Variants in CLNK observed in about 807,000 individuals in gnomAD.
CLNK encodes cytokine dependent hematopoietic cell linker.
A neutral mutation model predicts 68.6 loss-of-function variants in CLNK; 74 were observed. That is an observed-to-expected ratio of 1.08 (90% CI 0.89 to 1.31). CLNK has a LOEUF of 1.31. Ranked by LOEUF, CLNK falls within the 50% of genes most tolerant of loss-of-function variation. The pLI, the probability that CLNK is intolerant of heterozygous loss-of-function variation, is 0.00. For missense variants in CLNK, 553 were observed against 515.3 expected, an observed-to-expected ratio of 1.07 and a Z score of -0.71; for synonymous variants, 198 against 172.2, an observed-to-expected ratio of 1.15 and a Z score of -1.17.
intron 8 of CLNK, among the ~76,000 whole-genome samples, chr4:10,544,767 G>T (rs1719162608): frequency 6.6e-6 from 1 of 152,150 alleles, no homozygotes; most frequent in African/African-American, 2.4e-5. Flanking sequence ...TAGAAATTAA[G>T]TAAGTCCAGG....
the CLNK span, among the ~76,000 whole-genome samples, chr4:10,714,330 C>T: frequency 6.6e-6 from 1 of 152,180 alleles, no homozygotes; most frequent in African/African-American, 2.4e-5. Flanking sequence ...AATAACTACC[C>T]TCCATGAAAA....
rs1716478305 is a variant in CLNK, at chr4:10,489,564, T to C, written c.*903A>G. The C allele has an allele frequency of 6.6e-6, 1 of 152,172 alleles. No individual in the cohort carries two copies. Among genetic ancestry groups the C allele is most frequent in the Admixed American group, 6.5e-5 (1 of 15,268 alleles). The allele number at this position is 152,172 out of a possible 1,614,324, so 9.4% of individuals were successfully genotyped here. Reference sequence around the variant, plus strand: ...GTCAGAGGATTTTCAGTTTCTGTCTTCAAGGTGACATTCACAATTGCTGGT... The same window carrying C: ...GTCAGAGGATTTTCAGTTTCTGTCTCCAAGGTGACATTCACAATTGCTGGT... On this transcript the variant is annotated 3_prime_UTR_variant, in exon 19 of 19. Coordinates refer to ENST00000226951, the MANE Select transcript of CLNK (RefSeq NM_052964.4).
intron 2 of CLNK, among the ~76,000 whole-genome samples, chr4:10,666,618 C>T (rs1403240770): frequency 6.6e-6 from 1 of 152,222 alleles, no homozygotes; most frequent in Non-Finnish European, 1.5e-5. Context: ...AGCTAATTTT[C>T]CAAGAAGAGC....
chr4:10,641,483 T>G (rs1236221492), intron 2 of CLNK, among the ~76,000 whole-genome samples: 4 of 152,172 alleles, frequency 2.6e-5, no homozygotes, highest in Non-Finnish European at 5.9e-5. Flanking sequence ...GCCCTTGGGA[T>G]AGAATCCAGA....
rs71281268 is a variant in CLNK, at chr4:10,654,384, A to AATATATATATAT, written c.11+13463_11+13474dup. On this transcript the variant is annotated intron_variant, in intron 2 of 18. Coordinates refer to ENST00000226951, the MANE Select transcript of CLNK (RefSeq NM_052964.4). ...TATATAGATAAATATATATTGATTA[A>AATATATATATAT]ATATATATATATATATATAGAAAGT... 8.2e-4 allele frequency among the ~76,000 whole-genome samples: 69 copies of AATATATATATAT among 84,158 alleles called. 4 individuals carry two copies. The highest frequency in any genetic ancestry group is 6.3e-3 in the South Asian group (17 of 2,678). 55.2% of individuals were successfully genotyped at this position (84,158 alleles called of 152,430 possible).
chr4:10,663,545 T>G (rs1724275627), intron 2 of CLNK, among the ~76,000 whole-genome samples: 1 of 152,240 alleles, frequency 6.6e-6, no homozygotes, highest in South Asian at 2.1e-4. Flanking sequence ...TTGACTGAAC[T>G]GATACAATCA....
At chr4:10,614,307 C>T (rs1489825243) in intron 2 of CLNK, among the ~76,000 whole-genome samples, 2 of 152,170 alleles carry the variant, frequency 1.3e-5, no homozygotes, top group East Asian at 1.9e-4. Context: ...TACAGAGATG[C>T]CAGGTGACCT....
chr4:10,532,971 G>A (rs1718608281), intron 11 of CLNK, among the ~76,000 whole-genome samples: 1 of 152,028 alleles, frequency 6.6e-6, no homozygotes, highest in African/African-American at 2.4e-5. Flanking sequence ...AAGTAACAAA[G>A]TTGGGGCCTG....
chr4:10,734,035 G>T, the CLNK span, among the ~76,000 whole-genome samples: 3 of 152,202 alleles, frequency 2.0e-5, no homozygotes, highest in East Asian at 5.8e-4. Flanking sequence ...AGTGGAATAG[G>T]AGAAGACAAA....
intron 1 of CLNK, among the ~76,000 whole-genome samples, chr4:10,668,144 C>T (rs1015958349): frequency 6.6e-6 from 1 of 152,120 alleles, no homozygotes; most frequent in Non-Finnish European, 1.5e-5. Context: ...CCCATCTGCC[C>T]CCGGGAGCTG....
chr4:10,547,196 T>C (rs1300950178), intron 8 of CLNK, among the ~76,000 whole-genome samples: 2 of 152,230 alleles, frequency 1.3e-5, no homozygotes, highest in African/African-American at 4.8e-5. Context: ...GAGGAGGAGG[T>C]AAGCCCAGAT....
chr4:10,731,189 T>A, the CLNK span, among the ~76,000 whole-genome samples: 2 of 152,234 alleles, frequency 1.3e-5, no homozygotes, highest in African/African-American at 4.8e-5. Flanking sequence ...TGTAACTGTT[T>A]TTTTGTACCC....
chr4:10,647,601 C>T (rs568204833), intron 2 of CLNK, among the ~76,000 whole-genome samples: 1 of 152,042 alleles, frequency 6.6e-6, no homozygotes, highest in African/African-American at 2.4e-5. Flanking sequence ...ATTAAATCCA[C>T]CTAGGATACA....
intron 2 of CLNK, among the ~76,000 whole-genome samples, chr4:10,612,111 TC>T (rs1722055947): frequency 6.6e-6 from 1 of 152,332 alleles, no homozygotes; most frequent in East Asian, 1.9e-4. Context: ...GACCCATCTC[TC>T]ATTTGATCCT....
At chr4:10,549,137 T>A (rs1719348033) in intron 8 of CLNK, among the ~76,000 whole-genome samples, 2 of 152,204 alleles carry the variant, frequency 1.3e-5, no homozygotes, top group Admixed American at 6.5e-5. Flanking sequence ...CGGCAATAGT[T>A]ACAAAAATCC....
At chr4:10,562,249 G>C (rs1243729845) in intron 7 of CLNK, among the ~76,000 whole-genome samples, 4 of 151,512 alleles carry the variant, frequency 2.6e-5, no homozygotes, top group African/African-American at 7.3e-5. Context: ...TAGAAATACT[G>C]TGTTTTCTAT....
chr4:10,638,969 C>A (rs1283352254), intron 2 of CLNK, among the ~76,000 whole-genome samples: 1 of 152,192 alleles, frequency 6.6e-6, no homozygotes, highest in East Asian at 1.9e-4. Flanking sequence ...AAATTAGTTA[C>A]CTCTGTCTCC....
At chr4:10,511,254 C>A (rs116613764) in intron 16 of CLNK, among the ~76,000 whole-genome samples, 2 of 152,132 alleles carry the variant, frequency 1.3e-5, no homozygotes, top group Non-Finnish European at 2.9e-5. Flanking sequence ...CCCTTGGGCA[C>A]ATGTTCTCAG....
At chr4:10,533,702 T>A (rs190828756) in intron 11 of CLNK, among the ~76,000 whole-genome samples, 82 of 152,300 alleles carry the variant, frequency 5.4e-4, no homozygotes, top group African/African-American at 1.9e-3. Flanking sequence ...TATTTTGGGG[T>A]TAAAATGTGG....
Sources: allele counts gnomAD v4.1 joint callset (sites outside exome capture counted in the v4.1 genomes callset), GRCh38; gene constraint gnomAD v4.1.1; transcripts MANE v1.5; gene names NCBI Gene and HGNC (gene_info 2026-07-23, HGNC 2026-07-21).